The following ZNF443 variants were observed in gnomAD, a reference collection of about 807,000 sequenced individuals.
The protein encoded by ZNF443 is zinc finger protein 443.
In ZNF443, 3 loss-of-function variants were observed where a neutral mutation model predicts 12.0. The observed-to-expected ratio is 0.25, with a 90% CI of 0.11 to 0.64. The LOEUF (loss-of-function observed/expected upper bound fraction) is 0.64, where lower values mean the gene tolerates loss of function less well. Among genes scored for constraint, ZNF443 ranks in the 30% least tolerant of loss-of-function variants. ZNF443 has a pLI of 0.84. For missense variants in ZNF443, 770 were observed against 808.8 expected, an observed-to-expected ratio of 0.95 and a Z score of 0.58; for synonymous variants, 225 against 265.9, an observed-to-expected ratio of 0.85 and a Z score of 1.50.
intron 1 of ZNF443, among the ~76,000 whole-genome samples, chr19:12,434,264 T>C (rs1357316233): frequency 1.3e-5 from 2 of 152,222 alleles, no homozygotes; most frequent in Non-Finnish European, 2.9e-5. Flanking sequence ...ACATGTTTTG[T>C]TGCAACTTGT....
At chr19:12,436,771 AC>A (rs1568238929) in intron 1 of ZNF443, among the ~76,000 whole-genome samples, 6,971 of 151,778 alleles carry the variant, frequency 0.046, 165 homozygotes, top group South Asian at 0.1. Context: ...ACACACACAC[AC>A]ACACACACAC....
intron 1 of ZNF443, among the ~76,000 whole-genome samples, chr19:12,436,467 C>T (rs1477370783): frequency 1.3e-4 from 20 of 151,316 alleles, no homozygotes; most frequent in East Asian, 1.9e-4. Flanking sequence ...GCAACAAGAG[C>T]GAACCTCTGT....
At chr19:12,440,658 C>T (rs911751938) in intron 1 of ZNF443, among the ~76,000 whole-genome samples, 4 of 152,204 alleles carry the variant, frequency 2.6e-5, no homozygotes, top group African/African-American at 9.6e-5. Context: ...TGGGGAGACC[C>T]GGGGCTGCGG....
At chr19:12,434,923 A>G (rs952729713) in intron 1 of ZNF443, among the ~76,000 whole-genome samples, 1 of 149,074 alleles carries the variant, frequency 6.7e-6, no homozygotes, top group African/African-American at 2.5e-5. Context: ...CTGTATAAGC[A>G]CTATCCAAAG....
chr19:12,435,428 G>A (rs1020365425), intron 1 of ZNF443, among the ~76,000 whole-genome samples: 12 of 152,280 alleles, frequency 7.9e-5, no homozygotes, highest in Admixed American at 2.0e-4. Context: ...ACTAAGTCAC[G>A]GAGAAAAAGA....
intron 1 of ZNF443, among the ~76,000 whole-genome samples, chr19:12,433,673 T>C (rs914374646): frequency 7.9e-5 from 12 of 152,000 alleles, no homozygotes; most frequent in African/African-American, 2.9e-4. Flanking sequence ...TGTGCCTAAA[T>C]TGTTCATGCA....
In ZNF443 at chr19:12,431,880, G is replaced by C; in HGVS notation, c.292C>G (p.Pro98Ala). ...CTGCTTTCACAAGGACCTACTCCAG[G>C]AAGAGTGTTCTTGGTCACAATACTA... ...QDSIVTKNTL[P>A]GVGPCESSMR... is the part of the protein sequence containing the mutation. The change falls in exon 4 of 4, where the codon CCT becomes GCT. Residue 98 changes from proline (P) to alanine (A), a missense_variant. Around this residue, in one of 3 missense-constraint regions of ZNF443, gnomAD observed 736 missense variants for 689.4 expected, o/e 1.07. Coordinates refer to ENST00000301547, the MANE Select transcript of ZNF443 (RefSeq NM_005815.5). 6.2e-7 allele frequency: 1 copy of C among 1,614,068 alleles called. No homozygotes were observed. The highest frequency in any genetic ancestry group is 8.5e-7 in the Non-Finnish European group (1 of 1,179,988).
At chr19:12,440,464 C>T (rs1970353735) in intron 1 of ZNF443, among the ~76,000 whole-genome samples, 1 of 152,182 alleles carries the variant, frequency 6.6e-6, no homozygotes, top group South Asian at 2.1e-4. Flanking sequence ...AGGATTCACC[C>T]CTCACTTCCC....
intron 1 of ZNF443, among the ~76,000 whole-genome samples, chr19:12,437,522 G>A (rs1296560075): frequency 2.0e-5 from 3 of 150,116 alleles, no homozygotes; most frequent in Non-Finnish European, 3.0e-5. Flanking sequence ...AAAAAGAAAG[G>A]AAGTTGAAAA....
intron 1 of ZNF443, among the ~76,000 whole-genome samples, chr19:12,436,933 G>A (rs1307955995): frequency 6.6e-6 from 1 of 150,708 alleles, no homozygotes; most frequent in Non-Finnish European, 1.5e-5. Context: ...TTTATAATAG[G>A]GCAAATGGAT....
intron 1 of ZNF443, among the ~76,000 whole-genome samples, chr19:12,439,963 GGAA>G (rs1233782943): frequency 6.6e-6 from 1 of 151,710 alleles, no homozygotes; most frequent in African/African-American, 2.4e-5. Flanking sequence ...GCCAGCCCTA[GGAA>G]GAGTCAGGAT....
At chr19:12,435,759 AC>A (rs1378522779) in intron 1 of ZNF443, among the ~76,000 whole-genome samples, 1 of 151,622 alleles carries the variant, frequency 6.6e-6, no homozygotes, top group Non-Finnish European at 1.5e-5. Context: ...CTCTGCCAGA[AC>A]ACTGGATGAA....
intron 1 of ZNF443, among the ~76,000 whole-genome samples, chr19:12,435,119 A>G (rs1426781810): frequency 6.6e-6 from 1 of 152,052 alleles, no homozygotes. Context: ...CTGAGAGTAC[A>G]GGAATGCTCA....
rs181966446 is a variant in ZNF443 at position 12,439,278 on chromosome 19, G to C, written c.3+1634C>G. Among the ~76,000 whole-genome samples, 9 of 152,200 alleles carry C rather than the reference G, an allele frequency of 5.9e-5. No individual in the cohort carries two copies. In the East Asian group the frequency reaches 1.7e-3, roughly 29 times the overall value. ...CATGAAATTGGCTGTTCAGTCATGTGTCTCCAAGGAATGGAAACTAGGGTT... is the reference window on the plus strand; with the variant it reads ...CATGAAATTGGCTGTTCAGTCATGTCTCTCCAAGGAATGGAAACTAGGGTT... On this transcript the variant is annotated intron_variant, in intron 1 of 3. Transcript: ENST00000301547.
At position 12,430,524 on chromosome 19, in the gene ZNF443, G is replaced by A; in HGVS notation, c.1648C>T (p.His550Tyr). ...AFGHYDNLKV[H>Y]ERIHSGEKPY... is the part of the protein sequence containing the mutation. Reference sequence around the variant, plus strand: ...TTCTCTCCAGAGTGAATTCTTTCATGTACCTTTAAGTTATCATAATGACCG... The same window carrying A: ...TTCTCTCCAGAGTGAATTCTTTCATATACCTTTAAGTTATCATAATGACCG... The change falls in exon 4 of 4, where the codon CAT (histidine) becomes TAT (tyrosine). Residue 550 changes from histidine to tyrosine, a missense_variant. Physicochemically the swap from His to Tyr is moderately conservative, Grantham distance 83 (BLOSUM62 2). Coordinates refer to ENST00000301547, the MANE Select transcript of ZNF443 (RefSeq NM_005815.5). 6.2e-7 allele frequency: 1 copy of A among 1,614,090 alleles called. No homozygotes were observed. The highest frequency in any genetic ancestry group is 8.5e-7 in the Non-Finnish European group (1 of 1,179,978).
chr19:12,434,924 C>T (rs1970293535), intron 1 of ZNF443, among the ~76,000 whole-genome samples: 1 of 148,582 alleles, frequency 6.7e-6, no homozygotes. Flanking sequence ...TGTATAAGCA[C>T]TATCCAAAGG....
intron 1 of ZNF443, among the ~76,000 whole-genome samples, chr19:12,434,950 C>CTTTTTT (rs34799053): frequency 3.1e-5 from 3 of 96,096 alleles, no homozygotes; most frequent in African/African-American, 4.0e-5. Context: ...AACAAGGCTG[C>CTTTTTT]TTTTTTTTTT....
In ZNF443 at chr19:12,430,745, G is replaced by T; in HGVS notation, c.1427C>A (p.Pro476His). ...GGCTTTCCCAAGTTTGCATTTATAGGGTTTCTCTCCAGTATGAGTTGTTTC... is the reference window on the plus strand; with the variant it reads ...GGCTTTCCCAAGTTTGCATTTATAGTGTTTCTCTCCAGTATGAGTTGTTTC... ...RHETTHTGEK[P>H]YKCKLGKACI... Residue 476 changes from proline (P) to histidine (H), a missense_variant, in exon 4 of 4, where the codon CCC (proline) becomes CAC (histidine). Coordinates refer to ENST00000301547, the MANE Select transcript of ZNF443 (RefSeq NM_005815.5). The T allele has an allele frequency of 4.3e-6, 7 of 1,612,960 alleles. No individual in the cohort carries two copies. Among genetic ancestry groups the T allele is most frequent in the Non-Finnish European group, 5.9e-6 (7 of 1,179,156 alleles).
chr19:12,431,396 G>C lies in ZNF443; in HGVS notation c.776C>G (p.Ser259Cys), dbSNP rs1238781775. 6.2e-7 allele frequency: 1 copy of C among 1,613,876 alleles called. No homozygotes were observed. Among genetic ancestry groups the C allele is most frequent in the African/African-American group, 1.3e-5 (1 of 74,880 alleles). ...GGAACTGTAAAAAGGAAAGGCTTTA[G>C]AACACTGTTTACATTCATACGGTTT... ...GEKPYECKQC[S>C]KAFPFYSSYL... Residue 259 changes from serine to cysteine, a missense_variant, in exon 4 of 4, where the codon TCT (serine) becomes TGT (cysteine). This residue lies in a region of ZNF443 where 736 missense variants were observed against 689.4 expected (regional missense o/e 1.07). Coordinates refer to ENST00000301547, the MANE Select transcript of ZNF443 (RefSeq NM_005815.5).
Sources: allele counts gnomAD v4.1 joint callset (sites outside exome capture counted in the v4.1 genomes callset), GRCh38; gene constraint gnomAD v4.1.1; regional missense constraint gnomAD v4.1.1; transcripts MANE v1.5; gene names NCBI Gene and HGNC (gene_info 2026-07-23, HGNC 2026-07-21).